NCAM2: variants seen among roughly 807,000 people sequenced by gnomAD.
The protein encoded by NCAM2 is N-CAM-2.
NCAM2 carries 30 observed loss-of-function variants against 98.1 expected under a neutral mutation model. The ratio of observed to expected loss-of-function variants is 0.31; its 90% CI spans 0.23 to 0.41. The LOEUF (loss-of-function observed/expected upper bound fraction) is 0.41. NCAM2 is among the 10% of genes least tolerant of loss of function. The pLI, the probability that NCAM2 is intolerant of heterozygous loss-of-function variation, is 1.00. For synonymous variants in NCAM2, 368 were observed against 342.4 expected (o/e 1.07, Z -0.83); for missense variants, 867 against 1,005.8 (o/e 0.86, Z 1.87).
chr21:21,355,507 A>AAGGGAGGGAGAGAGGGAGGAGGG (rs745950898), intron 8 of NCAM2, among the ~76,000 whole-genome samples: 1 of 139,946 alleles, frequency 7.1e-6, no homozygotes, highest in Admixed American at 7.2e-5. Context: ...GAAAAGAAAT[A>AAGGGAGGGAGAGAGGGAGGAGGG]AGGGAGGGAG....
intron 5 of NCAM2, among the ~76,000 whole-genome samples, chr21:21,301,712 A>G (rs2073721013): frequency 6.6e-6 from 1 of 151,330 alleles, no homozygotes; most frequent in Non-Finnish European, 1.5e-5. Flanking sequence ...AAAGGACATG[A>G]ACTCATCATT....
chr21:21,071,869 GCCTATCTATCTATCTATCTA>G (rs1251814142), intron 1 of NCAM2, among the ~76,000 whole-genome samples: 6 of 133,756 alleles, frequency 4.5e-5, no homozygotes, highest in South Asian at 2.5e-4. Context: ...TGTCATGTCT[GCCTATCTATCTATCTATCTA>G]TCTATCTATC....
At chr21:21,314,875 A>G (rs529937154) in intron 5 of NCAM2, among the ~76,000 whole-genome samples, 2 of 152,286 alleles carry the variant, frequency 1.3e-5, no homozygotes, top group Admixed American at 1.3e-4. Context: ...TCACCTAATT[A>G]TTTAGAACAT....
intron 10 of NCAM2, among the ~76,000 whole-genome samples, chr21:21,410,713 A>G (rs1260866986): frequency 6.6e-6 from 1 of 151,822 alleles, no homozygotes; most frequent in African/African-American, 2.4e-5. Flanking sequence ...TTTTAGGAAT[A>G]AAAACAATTA....
intron 1 of NCAM2, among the ~76,000 whole-genome samples, chr21:21,035,042 G>C (rs2064769559): frequency 2.0e-5 from 3 of 152,042 alleles, no homozygotes; most frequent in Non-Finnish European, 4.4e-5. Context: ...CTCTTCTCAA[G>C]GTCTCTAAAA....
intron 1 of NCAM2, among the ~76,000 whole-genome samples, chr21:21,155,946 G>T (rs1305737653): frequency 6.6e-6 from 1 of 151,896 alleles, no homozygotes; most frequent in African/African-American, 2.4e-5. Flanking sequence ...ATTTAATTTG[G>T]CATGTGGAAC....
At chr21:21,317,228 A>G (rs2074249163) in intron 5 of NCAM2, among the ~76,000 whole-genome samples, 1 of 152,108 alleles carries the variant, frequency 6.6e-6, no homozygotes, top group Non-Finnish European at 1.5e-5. Context: ...TGGTGACTGG[A>G]CATGGTGTCT....
At chr21:21,256,612 C>A (rs548385736) in intron 1 of NCAM2, among the ~76,000 whole-genome samples, 4 of 152,110 alleles carry the variant, frequency 2.6e-5, no homozygotes, top group Non-Finnish European at 4.4e-5. Flanking sequence ...AGCTCCACCT[C>A]TACAATCATA....
At chr21:21,222,572 AT>A (rs757481063) in intron 1 of NCAM2, among the ~76,000 whole-genome samples, 19 of 152,164 alleles carry the variant, frequency 1.2e-4, no homozygotes, top group South Asian at 2.1e-4. Context: ...TGTGGTGGAA[AT>A]AAAAAGAGAA....
Position 21,213,526 on chromosome 21 carries a change from A to G in NCAM2, c.56-67052A>G, listed in dbSNP as rs559889486. Reference sequence around the variant, plus strand: ...ATACTTTATGAAGAATTTTCAAGATAAAGGCACTGGGTAGATGCTATTAGG... The same window carrying G: ...ATACTTTATGAAGAATTTTCAAGATGAAGGCACTGGGTAGATGCTATTAGG... On this transcript the variant is annotated intron_variant, in intron 1 of 17. Transcript: ENST00000400546. 5.4e-4 allele frequency among the ~76,000 whole-genome samples: 83 copies of G among 152,310 alleles called. 1 individual carries two copies. The highest frequency in any genetic ancestry group is 5.3e-4 in the Non-Finnish European group (36 of 68,024).
chr21:21,536,459 T>C (rs2146434234), intron 17 of NCAM2, among the ~76,000 whole-genome samples: 1 of 151,320 alleles, frequency 6.6e-6, no homozygotes, highest in South Asian at 2.1e-4. Context: ...TGGCGCAATC[T>C]CAGCTCACCT....
At chr21:21,297,734 C>CA (rs34515330) in intron 5 of NCAM2, among the ~76,000 whole-genome samples, 91,615 of 149,788 alleles carry the variant, frequency 0.61, 29,164 homozygotes, top group Non-Finnish European at 0.73. Flanking sequence ...CTGTACTACT[C>CA]AAAAAAAAAG....
intron 5 of NCAM2, among the ~76,000 whole-genome samples, chr21:21,319,147 G>A (rs1429859271): frequency 1.3e-5 from 2 of 151,856 alleles, no homozygotes; most frequent in African/African-American, 2.4e-5. Context: ...AAAAATGCAA[G>A]CACAGTCAGC....
intron 15 of NCAM2, among the ~76,000 whole-genome samples, chr21:21,498,294 A>G (rs924825279): frequency 1.3e-5 from 2 of 152,124 alleles, no homozygotes; most frequent in Non-Finnish European, 2.9e-5. Flanking sequence ...ATTATTTTTA[A>G]TATTCCAAAA....
intron 1 of NCAM2, among the ~76,000 whole-genome samples, chr21:21,175,565 A>C (rs1200307180): frequency 6.6e-6 from 1 of 152,084 alleles, no homozygotes; most frequent in Non-Finnish European, 1.5e-5. Flanking sequence ...ATAATAAAAC[A>C]GGGTGGTAAC....
Position 21,410,449 on chromosome 21 carries a change from G to T in NCAM2, c.1371G>T (p.Lys457Asn), listed in dbSNP as rs2076832941. The change falls in exon 10 of 18, where the codon AAG becomes AAT. Residue 457 changes from lysine to asparagine, a missense_variant. Around this residue, in one of 5 missense-constraint regions of NCAM2, gnomAD observed 56 missense variants for 39.6 expected, o/e 1.41. Coordinates refer to ENST00000400546, the MANE Select transcript of NCAM2 (RefSeq NM_004540.5). ...TAAAGACTTATAGTACAGGAAGAAA[G>T]ATGATATTAGAGGTAAGTCCACATG... ...TNLKTYSTGR[K>N]MILEIAPTSD... The T allele has an allele frequency of 6.5e-6, 10 of 1,548,998 alleles. No homozygotes were observed. Among genetic ancestry groups the T allele is most frequent in the African/African-American group, 1.4e-5 (1 of 71,964 alleles).
chr21:21,391,519 CAAT>C (rs75897113), intron 9 of NCAM2, among the ~76,000 whole-genome samples: 13,553 of 151,980 alleles, frequency 0.089, 657 homozygotes, highest in East Asian at 0.16. Context: ...AACATTAAAA[CAAT>C]AATGATCAGA....
At chr21:21,179,433 T>C (rs2068398680) in intron 1 of NCAM2, among the ~76,000 whole-genome samples, 1 of 152,314 alleles carries the variant, frequency 6.6e-6, no homozygotes, top group African/African-American at 2.4e-5. Context: ...TCCCCTCATA[T>C]ACTGTTTTGC....
intron 1 of NCAM2, among the ~76,000 whole-genome samples, chr21:21,231,543 CTA>C (rs1464050447): frequency 2.0e-5 from 3 of 151,226 alleles, no homozygotes; most frequent in Non-Finnish European, 4.4e-5. Flanking sequence ...ATGTATTAAA[CTA>C]TGTTTCAAGG....
Sources: allele counts gnomAD v4.1 joint callset (sites outside exome capture counted in the v4.1 genomes callset), GRCh38; gene constraint gnomAD v4.1.1; regional missense constraint gnomAD v4.1.1; transcripts MANE v1.5; gene names NCBI Gene and HGNC (gene_info 2026-07-23, HGNC 2026-07-21).